Variants in TRHDE observed in about 807,000 individuals in gnomAD.
TRHDE encodes the protein thyrotropin releasing hormone degrading enzyme.
A neutral mutation model predicts 125.7 loss-of-function variants in TRHDE; 72 were observed. That is an observed-to-expected ratio of 0.57 (90% confidence interval 0.47 to 0.70). The LOEUF is 0.70. Among genes scored for constraint, TRHDE ranks in the 30% least tolerant of loss-of-function variants. The pLI, the probability that TRHDE is intolerant of heterozygous loss-of-function variation, is 0.00. For missense variants in TRHDE, 1,110 were observed against 1,327.1 expected, an observed-to-expected ratio of 0.84 and a Z score of 2.54; for synonymous variants, 509 against 509.1, an observed-to-expected ratio of 1.00 and a Z score of 0.00.
intron 2 of TRHDE, among the ~76,000 whole-genome samples, chr12:72,345,239 T>G (rs1565706900): frequency 6.6e-6 from 1 of 152,144 alleles, no homozygotes; most frequent in Non-Finnish European, 1.5e-5. Flanking sequence ...ATTAATATTT[T>G]CTCCATCACT....
chr12:72,436,938 T>C (rs532804575), intron 3 of TRHDE, among the ~76,000 whole-genome samples: 1 of 151,984 alleles, frequency 6.6e-6, no homozygotes, highest in African/African-American at 2.4e-5. Context: ...TATATTCATA[T>C]CTGGGCATCC....
intron 2 of TRHDE, among the ~76,000 whole-genome samples, chr12:72,124,821 G>T (rs1251018890): frequency 2.0e-5 from 3 of 152,118 alleles, no homozygotes; most frequent in African/African-American, 2.4e-5. Context: ...AGGTTGGCAG[G>T]ATCTTGAGCC....
chr12:72,517,073 A>G (rs1392952727), intron 6 of TRHDE, among the ~76,000 whole-genome samples: 1 of 151,748 alleles, frequency 6.6e-6, no homozygotes, highest in Non-Finnish European at 1.5e-5. Context: ...TTTTGGCATC[A>G]ATGTTCATCA....
At position 72,636,876 on chromosome 12, in the gene TRHDE, C is replaced by A. The variant is rs369816281; in HGVS notation, c.2675+15125C>A. Among the ~76,000 whole-genome samples, 14 of 151,892 alleles carry A rather than the reference C, an allele frequency of 9.2e-5. No individual in the cohort carries two copies. The East Asian group carries it at 1.9e-3, about 21-fold the overall frequency. On this transcript the variant is annotated intron_variant, in intron 15 of 18. Transcript: ENST00000261180. Reference sequence around the variant, plus strand: ...AGCCCACTTGATCATGGTGGATAAGCTTTTTGATGTGCTGCTGGATTCGTT... The same window carrying A: ...AGCCCACTTGATCATGGTGGATAAGATTTTTGATGTGCTGCTGGATTCGTT...
chr12:72,155,251 C>T (rs566320165), intron 2 of TRHDE, among the ~76,000 whole-genome samples: 5 of 152,306 alleles, frequency 3.3e-5, no homozygotes, highest in East Asian at 1.9e-4. Context: ...CCATCAGGTC[C>T]TTTAAGGACC....
At chr12:72,142,749 G>A (rs561212970) in intron 2 of TRHDE, among the ~76,000 whole-genome samples, 38 of 152,204 alleles carry the variant, frequency 2.5e-4, no homozygotes, top group Non-Finnish European at 4.1e-4. Context: ...GAATGACATG[G>A]CAGAGACAAA....
chr12:72,250,473 T>A (rs1878657227), intron 2 of TRHDE, among the ~76,000 whole-genome samples: 1 of 152,078 alleles, frequency 6.6e-6, no homozygotes, highest in Non-Finnish European at 1.5e-5. Context: ...TGAATTTTAG[T>A]ACAGATTGGA....
intron 3 of TRHDE, among the ~76,000 whole-genome samples, chr12:72,453,858 G>A (rs1198067099): frequency 1.3e-5 from 2 of 152,206 alleles, no homozygotes; most frequent in Non-Finnish European, 2.9e-5. Flanking sequence ...ATAAGCCTTG[G>A]CAGGTACCAT....
chr12:72,291,015 A>T (rs1407499960), intron 2 of TRHDE, among the ~76,000 whole-genome samples: 1 of 152,250 alleles, frequency 6.6e-6, no homozygotes, highest in Non-Finnish European at 1.5e-5. Context: ...AAATTAACAC[A>T]GTCGGCTCTC....
intron 12 of TRHDE, among the ~76,000 whole-genome samples, chr12:72,607,514 T>A (rs1476155992): frequency 1.4e-5 from 1 of 69,514 alleles, no homozygotes; most frequent in Non-Finnish European, 2.3e-5. Context: ...GTGATACAGT[T>A]TTTTTTAAAA....
chr12:72,321,125 G>A (rs1869071022), intron 2 of TRHDE, among the ~76,000 whole-genome samples: 1 of 152,116 alleles, frequency 6.6e-6, no homozygotes, highest in Non-Finnish European at 1.5e-5. Flanking sequence ...GCAATTTTAT[G>A]TCATTTTCGA....
chr12:72,468,961 T>G (rs2135896229), intron 3 of TRHDE, among the ~76,000 whole-genome samples: 1 of 152,348 alleles, frequency 6.6e-6, no homozygotes, highest in Non-Finnish European at 1.5e-5. Context: ...GCATGAACTC[T>G]TTGTGTCACC....
chr12:72,136,834 C>T (rs1205757254), intron 2 of TRHDE, among the ~76,000 whole-genome samples: 1 of 152,132 alleles, frequency 6.6e-6, no homozygotes, highest in African/African-American at 2.4e-5. Context: ...GCAAAACTCG[C>T]ACCTACTGCA....
At chr12:72,139,748 A>C (rs1451688732) in intron 2 of TRHDE, among the ~76,000 whole-genome samples, 1 of 152,188 alleles carries the variant, frequency 6.6e-6, no homozygotes, top group Non-Finnish European at 1.5e-5. Flanking sequence ...ATTGTAAATC[A>C]AAAATAAAAT....
rs1555170266 is a variant in TRHDE at position 72,238,311 on chromosome 12, T to TATATATACACATA, written n.279+132566_279+132567insCACATAATATATA. 3.4e-4 allele frequency among the ~76,000 whole-genome samples: 11 copies of TATATATACACATA among 32,566 alleles called. 1 individual carries two copies. Among genetic ancestry groups the TATATATACACATA allele is most frequent in the African/African-American group, 1.2e-3 (11 of 8,850 alleles). The allele number at this position is 32,566 out of a possible 152,430, so 21.4% of individuals were successfully genotyped here. A position where few individuals can be genotyped will look rare whatever the true frequency, so the allele number is the denominator to read the frequency against. ...ATATATATATATATATATATATATA[T>TATATATACACATA]ATATATATATACATATATATATACA... On this transcript the variant is annotated intron_variant and non_coding_transcript_variant, in intron 2 of 4. Transcript: ENST00000548156.
intron 3 of TRHDE, among the ~76,000 whole-genome samples, chr12:72,449,853 A>G (rs184907655): frequency 8.8e-4 from 134 of 152,090 alleles, no homozygotes; most frequent in African/African-American, 3.1e-3. Context: ...TCTATAATAT[A>G]AAAATATTAC....
chr12:72,294,806 C>G (rs750288431), intron 2 of TRHDE, among the ~76,000 whole-genome samples: 5 of 152,076 alleles, frequency 3.3e-5, no homozygotes, highest in Admixed American at 6.5e-5. Flanking sequence ...CTGCCCTCAG[C>G]TCCACCTTGG....
chr12:72,573,448 A>T (rs73146973), intron 10 of TRHDE, among the ~76,000 whole-genome samples: 2,605 of 152,070 alleles, frequency 0.017, 35 homozygotes, highest in Non-Finnish European at 0.03. Flanking sequence ...TCTGAGTTCC[A>T]TGGATTAAGT....
At chr12:72,634,243 C>A (rs970945894) in intron 15 of TRHDE, among the ~76,000 whole-genome samples, 1 of 152,040 alleles carries the variant, frequency 6.6e-6, no homozygotes, top group Admixed American at 6.6e-5. Flanking sequence ...TCATTAGCAG[C>A]AGACAAGAGG....
Sources: allele counts gnomAD v4.1 joint callset (sites outside exome capture counted in the v4.1 genomes callset), GRCh38; gene constraint gnomAD v4.1.1; transcripts MANE v1.5; gene names NCBI Gene and HGNC (gene_info 2026-07-23, HGNC 2026-07-21).